COPG2: variants seen among roughly 807,000 people sequenced by gnomAD.
The protein encoded by COPG2 is coat protein complex I subunit gamma 2.
Under a neutral mutation model 46.3 loss-of-function variants are expected in COPG2, and 37 were observed. That is an observed-to-expected ratio of 0.80 (90% CI 0.61 to 1.05). The LOEUF (loss-of-function observed/expected upper bound fraction) is 1.05, where lower values mean the gene tolerates loss of function less well. Among genes scored for constraint, COPG2 ranks in the 50% least tolerant of loss-of-function variants. COPG2 has a pLI of 0.00. For synonymous variants in COPG2, 159 were observed against 129.7 expected (o/e 1.23, Z -1.53); for missense variants, 427 against 387.8 (o/e 1.10, Z -0.85).
Position 130,506,485 on chromosome 7 carries a change from GAAAAA to G in COPG2, c.*186_*190del. On this transcript the variant is annotated 3_prime_UTR_variant, in exon 24 of 24. Coordinates refer to ENST00000425248, the MANE Select transcript of COPG2 (RefSeq NM_012133.6). ...CAAAGCTGACCAAGTAGAATAAAAA[GAAAAA>G]AAAAAAAAAACAACCCATGCGCAAA... 3.1e-6 allele frequency: 1 copy of G among 327,016 alleles called. No individual in the cohort carries two copies. Among genetic ancestry groups the G allele is most frequent in the South Asian group, 5.5e-5 (1 of 18,184 alleles). The allele number at this position is 327,016 out of a possible 1,614,324, so 20.3% of individuals were successfully genotyped here. A position where few individuals can be genotyped will look rare whatever the true frequency, so the allele number is the denominator to read the frequency against.
At chr7:130,635,213 TG>T (rs1348602040) in intron 5 of COPG2, among the ~76,000 whole-genome samples, 1 of 152,072 alleles carries the variant, frequency 6.6e-6, no homozygotes, top group African/African-American at 2.4e-5. Flanking sequence ...ATCAGGATGA[TG>T]CTGGCCTCAT....
chr7:130,666,571 G>T (rs1796081744), intron 3 of COPG2, among the ~76,000 whole-genome samples: 1 of 152,118 alleles, frequency 6.6e-6, no homozygotes, highest in Admixed American at 6.5e-5. Context: ...ATTAGCAATA[G>T]TCAGTGAGTA....
At chr7:130,526,060 G>A (rs1451170922) in intron 20 of COPG2, among the ~76,000 whole-genome samples, 1 of 152,114 alleles carries the variant, frequency 6.6e-6, no homozygotes, top group Non-Finnish European at 1.5e-5. Flanking sequence ...TAAAGGAGGT[G>A]AGGAAAGGAG....
chr7:130,665,720 C>G (rs1018482530), intron 3 of COPG2, among the ~76,000 whole-genome samples: 13 of 151,640 alleles, frequency 8.6e-5, no homozygotes, highest in African/African-American at 1.5e-4. Flanking sequence ...ACTTTAGTAT[C>G]CAATGGAGGT....
intron 9 of COPG2, among the ~76,000 whole-genome samples, chr7:130,575,897 C>T (rs143232227): frequency 1.6e-4 from 24 of 152,184 alleles, no homozygotes; most frequent in African/African-American, 5.5e-4. Context: ...AAATGGACAC[C>T]AAAAGCAAGG....
chr7:130,617,791 A>G lies in COPG2; in HGVS notation c.324-726T>C, dbSNP rs377073843. Among the ~76,000 whole-genome samples the G allele has an allele frequency of 3.0e-4, 45 of 152,202 alleles. 1 individual carries two copies. The East Asian group carries it at 5.2e-3, about 18-fold the overall frequency. The stretch of plus-strand genomic sequence containing the variant: ...AAGAAGTTTTGACTGATAGTCCTTC[A>G]TTTCTTTTTCAATTAGGAAAGCAAT... On this transcript the variant is annotated intron_variant, in intron 5 of 23. Transcript: ENST00000425248.
intron 5 of COPG2, chr7:130,645,210 G>T: frequency 1.5e-6 from 1 of 685,646 alleles, no homozygotes; most frequent in South Asian, 1.4e-5. Flanking sequence ...TTTCCAGAAT[G>T]AGCTACTCGG....
chr7:130,660,277 G>GC (rs1489417656), intron 4 of COPG2, among the ~76,000 whole-genome samples: 2 of 152,146 alleles, frequency 1.3e-5, no homozygotes, highest in Non-Finnish European at 2.9e-5. Context: ...CTTATTCCTT[G>GC]CATCTGGGTA....
intron 6 of COPG2, among the ~76,000 whole-genome samples, chr7:130,616,247 T>C (rs1554452823): frequency 6.6e-6 from 1 of 152,214 alleles, no homozygotes; most frequent in Non-Finnish European, 1.5e-5. Flanking sequence ...TCATTTGCTG[T>C]TTATTGTTGA....
chr7:130,625,871 TAATTC>T (rs1554454228), intron 5 of COPG2, among the ~76,000 whole-genome samples: 1 of 152,192 alleles, frequency 6.6e-6, no homozygotes, highest in African/African-American at 2.4e-5. Context: ...GCTAAGAATT[TAATTC>T]ACTTTTTATT....
At chr7:130,522,290 A>C (rs1799730038) in intron 20 of COPG2, among the ~76,000 whole-genome samples, 3 of 152,362 alleles carry the variant, frequency 2.0e-5, no homozygotes, top group Non-Finnish European at 4.4e-5. Flanking sequence ...TGCATGGATT[A>C]ACAGTATGAA....
chr7:130,659,356 A>AAAAAACAAACAAAC (rs1554460337), intron 4 of COPG2, among the ~76,000 whole-genome samples: 8 of 147,188 alleles, frequency 5.4e-5, no homozygotes, highest in African/African-American at 1.8e-4. Flanking sequence ...CTCCGTCTCA[A>AAAAAACAAACAAAC]AAAAAAAAAA....
chr7:130,592,030 G>A (rs1450628316), intron 9 of COPG2, among the ~76,000 whole-genome samples: 5 of 152,180 alleles, frequency 3.3e-5, no homozygotes, highest in Non-Finnish European at 7.3e-5. Flanking sequence ...GTAGACATGG[G>A]AGACTTTTCA....
At chr7:130,644,014 T>C (rs1554457715) in intron 5 of COPG2, among the ~76,000 whole-genome samples, 1 of 152,118 alleles carries the variant, frequency 6.6e-6, no homozygotes, top group African/African-American at 2.4e-5. Context: ...CATTGGGAAA[T>C]TCTTAGCCAA....
chr7:130,591,091 T>TG lies in COPG2; in HGVS notation c.737+19861dup, dbSNP rs1200673430. Among the ~76,000 whole-genome samples, 49 of 88,102 alleles carry TG rather than the reference T, an allele frequency of 5.6e-4. 1 individual carries two copies. The highest frequency in any genetic ancestry group is 1.4e-3 in the East Asian group (3 of 2,144). 57.8% of individuals were successfully genotyped at this position (88,102 alleles called of 152,430 possible). A position where few individuals can be genotyped will look rare whatever the true frequency, so the allele number is the denominator to read the frequency against. On this transcript the variant is annotated intron_variant, in intron 9 of 23. Coordinates refer to ENST00000425248, the MANE Select transcript of COPG2 (RefSeq NM_012133.6). The stretch of plus-strand genomic sequence containing the variant: ...CCAGCCGCCCCGTCCAGAAGGGAGG[T>TG]GGGGGGGTCAGCCCCCCGCCCGGCC...
chr7:130,513,327 A>ATGTGTGTGTGTGTGTGTGTGTG (rs1270078580), intron 20 of COPG2, among the ~76,000 whole-genome samples: 1 of 61,092 alleles, frequency 1.6e-5, no homozygotes, highest in Non-Finnish European at 3.5e-5. Context: ...ATATATATAT[A>ATGTGTGTGTGTGTGTGTGTGTG]TATATATATA....
intron 9 of COPG2, chr7:130,610,186 T>C (rs1252355048): frequency 2.1e-6 from 1 of 469,130 alleles, no homozygotes; most frequent in East Asian, 6.0e-5. Context: ...CTAATACTTA[T>C]CATTAGAAAA....
intron 5 of COPG2, among the ~76,000 whole-genome samples, chr7:130,642,611 G>A (rs1474239650): frequency 6.6e-6 from 1 of 152,140 alleles, no homozygotes. Context: ...ATAGTCTATT[G>A]CATGAATATA....
At chr7:130,608,643 C>T (rs1554451616) in intron 9 of COPG2, among the ~76,000 whole-genome samples, 2 of 152,086 alleles carry the variant, frequency 1.3e-5, no homozygotes, top group African/African-American at 4.8e-5. Flanking sequence ...CCTCTCGTAT[C>T]CATTTTTCTA....
Sources: gnomAD v4.1 joint callset for allele counts (sites outside exome capture counted in the v4.1 genomes callset) on GRCh38, gnomAD v4.1.1 for gene constraint, MANE v1.5 for transcripts, NCBI Gene and HGNC (gene_info 2026-07-23, HGNC 2026-07-21) for gene names.